The following PSD2 variants were observed in gnomAD, a reference collection of about 807,000 sequenced individuals.
PSD2 encodes pleckstrin and Sec7 domain containing 2.
In PSD2, 38 loss-of-function variants were observed where a neutral mutation model predicts 69.8. That is an observed-to-expected ratio of 0.54 (90% CI 0.42 to 0.71). The LOEUF (loss-of-function observed/expected upper bound fraction) is 0.71. PSD2 is among the 30% of genes least tolerant of loss of function. The pLI is 0.00. For synonymous variants in PSD2, 412 were observed against 423.0 expected, an observed-to-expected ratio of 0.97 and a Z score of 0.32; for missense variants, 943 against 1,014.5, an observed-to-expected ratio of 0.93 and a Z score of 0.96.
the PSD2 span, among the ~76,000 whole-genome samples, chr5:139,749,548 T>C: frequency 1.3e-5 from 2 of 152,214 alleles, no homozygotes; most frequent in African/African-American, 4.8e-5. Context: ...TCCATTTAAA[T>C]AATGGGGAAA....
At chr5:139,747,839 A>G in the PSD2 span, among the ~76,000 whole-genome samples, 1 of 152,104 alleles carries the variant, frequency 6.6e-6, no homozygotes, top group East Asian at 1.9e-4. This position sits in a 1 kb window ranked among gnomAD's most constrained non-coding sequence, Gnocchi z 6.7. Context: ...CAAAGCAAGG[A>G]GGGGGTGTAG....
At chr5:139,820,932 G>A (rs1161165992) in intron 5 of PSD2, among the ~76,000 whole-genome samples, 1 of 139,294 alleles carries the variant, frequency 7.2e-6, no homozygotes, top group South Asian at 2.3e-4. Flanking sequence ...GGGGCCAGAG[G>A]TTGTTTTTTT....
chr5:139,814,350 G>A lies in PSD2; in HGVS notation c.1002G>A (p.Arg334=), dbSNP rs1327343063. 4.4e-6 allele frequency: 7 copies of A among 1,602,242 alleles called. No homozygotes were observed. Among genetic ancestry groups the A allele is most frequent in the Non-Finnish European group, 5.1e-6 (6 of 1,174,758 alleles). The change falls in exon 4 of 15, where the codon CGG becomes CGA. Residue 334 remains arginine (R), a synonymous_variant. Transcript: ENST00000274710. This position sits in a 1 kb window ranked among gnomAD's most constrained non-coding sequence, Gnocchi z 4.4. ...GCTTCCAGCGCTGTGATGTGGCCCG[G>A]CAGCTGGGCAAGAAGTGAGTGTGAG... The part of the protein sequence containing the change: ...LEGFQRCDVA[R]QLGKNNEFSR...
the PSD2 span, among the ~76,000 whole-genome samples, chr5:139,775,996 G>GC: frequency 6.6e-6 from 1 of 152,116 alleles, no homozygotes; most frequent in Non-Finnish European, 1.5e-5. Flanking sequence ...ACCTCAGTTT[G>GC]CCCCCACCAC....
chr5:139,836,716 C>T, intron 9 of PSD2, 95 bp from the exon 10 acceptor site: 1 of 1,109,676 alleles, frequency 9.0e-7, no homozygotes, highest in Non-Finnish European at 1.3e-6. Context: ...CCTCCATGAC[C>T]CTGGCTCCTG....
chr5:139,769,450 A>G, the PSD2 span, among the ~76,000 whole-genome samples: 1 of 152,090 alleles, frequency 6.6e-6, no homozygotes. Context: ...CTATGCCCTC[A>G]TCTCTCCCAG....
chr5:139,780,311 G>A, the PSD2 span, among the ~76,000 whole-genome samples: 7 of 152,338 alleles, frequency 4.6e-5, no homozygotes, highest in East Asian at 9.6e-4. Flanking sequence ...GTACACCCCA[G>A]GCTGTTTCTC....
chr5:139,767,916 T>A, the PSD2 span, among the ~76,000 whole-genome samples: 1 of 152,224 alleles, frequency 6.6e-6, no homozygotes, highest in Non-Finnish European at 1.5e-5. Flanking sequence ...CTACCAGGTC[T>A]AGTGCCTGAC....
the PSD2 span, among the ~76,000 whole-genome samples, chr5:139,744,603 G>A: frequency 1.3e-5 from 2 of 152,128 alleles, no homozygotes; most frequent in Non-Finnish European, 2.9e-5. Context: ...TGGTGGCAGC[G>A]GCGGGGGTGG....
chr5:139,838,691 C>A lies in PSD2; in HGVS notation c.1887C>A (p.Ala629=). The change falls in exon 13 of 15, where the codon GCC becomes GCA. Residue 629 remains alanine (A), a synonymous_variant. Coordinates refer to ENST00000274710, the MANE Select transcript of PSD2 (RefSeq NM_032289.4). Reference sequence around the variant, plus strand: ...ACCTGGTGGCAGCCATCTTCTCTGCCCCGGCCTTCCCAGCCGCTGTCAGCT... The same window carrying A: ...ACCTGGTGGCAGCCATCTTCTCTGCACCGGCCTTCCCAGCCGCTGTCAGCT... ...RINLVAAIFS[A]PAFPAAVSSM... is the part of the protein sequence containing the mutation. The A allele has an allele frequency of 6.2e-7, 1 of 1,614,016 alleles. No individual in the cohort carries two copies. Among genetic ancestry groups the A allele is most frequent in the Non-Finnish European group, 8.5e-7 (1 of 1,179,950 alleles).
At chr5:139,825,374 C>T (rs1023858992) in intron 7 of PSD2, among the ~76,000 whole-genome samples, 7 of 152,200 alleles carry the variant, frequency 4.6e-5, no homozygotes, top group Admixed American at 2.0e-4. Context: ...CACAAGTTTT[C>T]GTTTGAACAC....
the PSD2 span, among the ~76,000 whole-genome samples, chr5:139,751,262 G>A: frequency 5.9e-5 from 9 of 152,088 alleles, no homozygotes; most frequent in Admixed American, 3.3e-4. Context: ...GGGGGGCGGA[G>A]GTGGCCAGTA....
intron 7 of PSD2, among the ~76,000 whole-genome samples, chr5:139,827,958 G>T (rs911657064): frequency 1.3e-5 from 2 of 152,128 alleles, no homozygotes; most frequent in African/African-American, 4.8e-5. Context: ...TGGAGTGAGG[G>T]TTCTAAAGAA....
At chr5:139,801,406 A>C (rs1759672073) in intron 1 of PSD2, among the ~76,000 whole-genome samples, 1 of 152,120 alleles carries the variant, frequency 6.6e-6, no homozygotes, top group Non-Finnish European at 1.5e-5. Context: ...TCTTATTGGC[A>C]GCATTTGACA....
At chr5:139,784,765 T>G in the PSD2 span, among the ~76,000 whole-genome samples, 1 of 150,864 alleles carries the variant, frequency 6.6e-6, no homozygotes, top group Admixed American at 6.6e-5. Flanking sequence ...TTCCCCCCCT[T>G]TTTTTTTTGA....
At chr5:139,754,738 A>G in the PSD2 span, among the ~76,000 whole-genome samples, 32 of 149,346 alleles carry the variant, frequency 2.1e-4, no homozygotes, top group Middle Eastern at 0.01. Flanking sequence ...ATTAGCCAGT[A>G]TGGTGGCACC....
At chr5:139,819,554 C>T (rs1760203821) in intron 5 of PSD2, among the ~76,000 whole-genome samples, 1 of 152,198 alleles carries the variant, frequency 6.6e-6, no homozygotes, top group Non-Finnish European at 1.5e-5. Context: ...CTTGAAGCCA[C>T]CCAATGCCCT....
intron 7 of PSD2, among the ~76,000 whole-genome samples, chr5:139,830,554 C>CTTCCTTCT (rs1760552041): frequency 7.4e-6 from 1 of 135,168 alleles, no homozygotes; most frequent in Non-Finnish European, 1.5e-5. Flanking sequence ...TCCTTCCTTC[C>CTTCCTTCT]TTCCTTCCTT....
chr5:139,828,870 G>T (rs1760498632), intron 7 of PSD2, among the ~76,000 whole-genome samples: 2 of 152,154 alleles, frequency 1.3e-5, no homozygotes, highest in Non-Finnish European at 2.9e-5. Context: ...TGAGGAGATG[G>T]TCACCCTGGC....
Sources: gnomAD v4.1 joint callset for allele counts (sites outside exome capture counted in the v4.1 genomes callset) on GRCh38, gnomAD v4.1.1 for gene constraint, Gnocchi (gnomAD v3.1) non-coding constraint, MANE v1.5 for transcripts, NCBI Gene and HGNC (gene_info 2026-07-23, HGNC 2026-07-21) for gene names.